FRMD4A: variants seen among roughly 807,000 people sequenced by gnomAD.
FRMD4A encodes FERM domain containing 4A.
In FRMD4A, 29 loss-of-function variants were observed where a neutral mutation model predicts 129.1. The observed-to-expected ratio is 0.22, with a 90% confidence interval of 0.17 to 0.31. The LOEUF (loss-of-function observed/expected upper bound fraction) is 0.31. Ranked by LOEUF, FRMD4A falls within the 10% of genes least tolerant of loss-of-function variation. The probability of loss-of-function intolerance (pLI) is 1.00; values close to 1 mark genes in which losing one functional copy is unlikely to be tolerated. For synonymous variants in FRMD4A, 634 were observed against 571.6 expected (o/e 1.11, Z -1.56); for missense variants, 1,272 against 1,375.8 (o/e 0.92, Z 1.19).
intron 2 of FRMD4A, among the ~76,000 whole-genome samples, chr10:14,254,357 G>A (rs931419589): frequency 2.6e-5 from 4 of 152,116 alleles, no homozygotes; most frequent in African/African-American, 9.7e-5. Context: ...TACTCTCTAC[G>A]AGTAATTCTT....
intron 2 of FRMD4A, among the ~76,000 whole-genome samples, chr10:14,096,239 G>A (rs1836953828): frequency 1.3e-5 from 2 of 152,174 alleles, no homozygotes; most frequent in Non-Finnish European, 1.5e-5. Flanking sequence ...TCATGTGAGG[G>A]CACATAGAAG....
chr10:13,743,858 G>A (rs2091147999), intron 9 of FRMD4A, among the ~76,000 whole-genome samples: 2 of 152,098 alleles, frequency 1.3e-5, no homozygotes, highest in Admixed American at 6.6e-5. Context: ...ACTTGCCAGA[G>A]GGCTGAAGTG....
At chr10:13,797,669 A>C (rs74121695) in intron 4 of FRMD4A, among the ~76,000 whole-genome samples, 4,882 of 152,200 alleles carry the variant, frequency 0.032, 239 homozygotes, top group African/African-American at 0.11. Context: ...CAGTCCTATA[A>C]TCACTTTATG....
intron 2 of FRMD4A, among the ~76,000 whole-genome samples, chr10:13,950,344 T>C (rs2095362829): frequency 6.6e-6 from 1 of 152,252 alleles, no homozygotes; most frequent in Admixed American, 6.5e-5. Flanking sequence ...CTTGGGAAAG[T>C]CTGAATCTTC....
At chr10:13,690,497 C>T (rs921629944) in intron 15 of FRMD4A, among the ~76,000 whole-genome samples, 1 of 152,218 alleles carries the variant, frequency 6.6e-6, no homozygotes, top group Non-Finnish European at 1.5e-5. Flanking sequence ...CAGTGCGTCC[C>T]CCCACTGTCT....
intron 3 of FRMD4A, among the ~76,000 whole-genome samples, chr10:13,828,657 C>T (rs1443005478): frequency 1.3e-5 from 2 of 151,888 alleles, no homozygotes; most frequent in African/African-American, 2.4e-5. Context: ...CTCATACTCT[C>T]GAGTAGCTGG....
intron 2 of FRMD4A, among the ~76,000 whole-genome samples, chr10:14,203,143 C>T (rs1842687305): frequency 1.3e-5 from 2 of 152,146 alleles, no homozygotes; most frequent in Non-Finnish European, 2.9e-5. Flanking sequence ...CAGTGGTATA[C>T]TACACATTCA....
At chr10:14,004,348 G>C (rs1345729779) in intron 2 of FRMD4A, among the ~76,000 whole-genome samples, 1 of 152,162 alleles carries the variant, frequency 6.6e-6, no homozygotes, top group African/African-American at 2.4e-5. Flanking sequence ...TTCGAGACCA[G>C]CCTGGCCAAC....
chr10:13,813,075 G>A (rs1269271335), intron 3 of FRMD4A, among the ~76,000 whole-genome samples: 1 of 152,242 alleles, frequency 6.6e-6, no homozygotes, highest in Non-Finnish European at 1.5e-5. Flanking sequence ...CCACCCCCAG[G>A]AAGTATTCGG....
At chr10:14,301,347 T>A (rs1178180067) in intron 2 of FRMD4A, among the ~76,000 whole-genome samples, 2 of 152,208 alleles carry the variant, frequency 1.3e-5, no homozygotes, top group African/African-American at 4.8e-5. Context: ...AAGGTGGTTT[T>A]GAGAACCCCT....
At chr10:13,678,478 G>C (rs1241965596) in intron 15 of FRMD4A, among the ~76,000 whole-genome samples, 1 of 152,210 alleles carries the variant, frequency 6.6e-6, no homozygotes, top group Non-Finnish European at 1.5e-5. Flanking sequence ...TGTGGCCTTG[G>C]GTAAGTTACC....
intron 6 of FRMD4A, among the ~76,000 whole-genome samples, chr10:13,765,805 T>C (rs2092268272): frequency 1.3e-5 from 2 of 152,214 alleles, no homozygotes; most frequent in African/African-American, 4.8e-5. Context: ...AGAAACACTG[T>C]CCAGGATTTC....
chr10:14,048,454 T>C (rs941162663), intron 2 of FRMD4A, among the ~76,000 whole-genome samples: 5 of 152,228 alleles, frequency 3.3e-5, no homozygotes, highest in African/African-American at 1.2e-4. Flanking sequence ...ATAATTTTTG[T>C]AAACAGAATA....
intron 13 of FRMD4A, among the ~76,000 whole-genome samples, chr10:13,703,698 A>G (rs2087101656): frequency 6.6e-6 from 1 of 152,196 alleles, no homozygotes; most frequent in Non-Finnish European, 1.5e-5. Flanking sequence ...CAACTTAAAA[A>G]GCACCGCGAG....
intron 2 of FRMD4A, among the ~76,000 whole-genome samples, chr10:13,978,870 A>G (rs1242925188): frequency 2.6e-5 from 4 of 152,208 alleles, no homozygotes; most frequent in Non-Finnish European, 5.9e-5. Context: ...AAGCACTCCC[A>G]AGCAGCAAGC....
chr10:14,111,071 T>C (rs1379691967), intron 2 of FRMD4A, among the ~76,000 whole-genome samples: 2 of 152,228 alleles, frequency 1.3e-5, no homozygotes, highest in Non-Finnish European at 2.9e-5. Flanking sequence ...TTTATGTTGT[T>C]GTACAAGTAA....
rs190489786 is a variant in FRMD4A at position 13,833,545 on chromosome 10, C to T, written c.112-22637G>A. Among the ~76,000 whole-genome samples, 564 of 152,238 alleles carry T rather than the reference C, an allele frequency of 3.7e-3. 4 individuals carry two copies. The highest frequency in any genetic ancestry group is 0.013 in the African/African-American group (529 of 41,538). On this transcript the variant is annotated intron_variant, in intron 3 of 24. Transcript: ENST00000357447. ...CTCCTGACATTCATGGGGCATCTGC[C>T]CTGTGCCCGGTGGTTAAGGGCCCAG...
Position 13,833,285 on chromosome 10 carries a change from G to A in FRMD4A, c.112-22377C>T, listed in dbSNP as rs181365184. On this transcript the variant is annotated intron_variant, in intron 3 of 24. Transcript: ENST00000357447. ...AAGAGCAAGAGAAGTCTTACATGGT[G>A]GCAGGCAAGAGAGAGCTTGTGCAGG... is the stretch of plus-strand genomic sequence containing the variant. Among the ~76,000 whole-genome samples the A allele has an allele frequency of 1.3e-3, 199 of 152,292 alleles. 3 individuals are homozygous for A. Among genetic ancestry groups the A allele is most frequent in the Non-Finnish European group, 1.3e-4 (9 of 68,024 alleles).
intron 2 of FRMD4A, among the ~76,000 whole-genome samples, chr10:14,097,963 T>G (rs969191661): frequency 7.2e-6 from 1 of 139,444 alleles, no homozygotes; most frequent in East Asian, 2.0e-4. Flanking sequence ...AAATTATATA[T>G]ATTATATACA....
Sources: allele counts gnomAD v4.1 joint callset (sites outside exome capture counted in the v4.1 genomes callset), GRCh38; gene constraint gnomAD v4.1.1; transcripts MANE v1.5; gene names NCBI Gene and HGNC (gene_info 2026-07-23, HGNC 2026-07-21).